The following NELL1 variants were observed in gnomAD, a reference collection of about 807,000 sequenced individuals.
NELL1 encodes protein kinase C-binding protein NELL1.
In NELL1, 76 loss-of-function variants were observed where a neutral mutation model predicts 107.4. The observed-to-expected ratio is 0.71, with a 90% CI of 0.59 to 0.86. NELL1 has a LOEUF of 0.86. Among genes scored for constraint, NELL1 ranks in the 40% least tolerant of loss-of-function variants. The pLI is 0.00. For missense variants in NELL1, 1,024 were observed against 1,005.5 expected (o/e 1.02, Z -0.25); for synonymous variants, 353 against 341.2 (o/e 1.03, Z -0.38).
intron 11 of NELL1, among the ~76,000 whole-genome samples, chr11:20,951,755 C>T (rs1851073146): frequency 6.6e-6 from 1 of 152,090 alleles, no homozygotes; most frequent in South Asian, 2.1e-4. Context: ...TTGTGGGACT[C>T]ATGGTCTCAG....
chr11:21,194,507 C>T (rs960732565), intron 13 of NELL1, among the ~76,000 whole-genome samples: 1 of 152,060 alleles, frequency 6.6e-6, no homozygotes, highest in Non-Finnish European at 1.5e-5. Flanking sequence ...GGCATTGGTT[C>T]ATTTTAAAAA....
intron 14 of NELL1, 119 bp from the exon 15 acceptor site, chr11:21,370,734 C>T: frequency 2.9e-6 from 2 of 678,454 alleles, no homozygotes; most frequent in East Asian, 2.9e-5. Flanking sequence ...TTAAATGTAT[C>T]AATACAGATG....
At chr11:20,843,315 AGCAGGTACTGCAC>A (rs1236338754) in intron 3 of NELL1, among the ~76,000 whole-genome samples, 1 of 152,140 alleles carries the variant, frequency 6.6e-6, no homozygotes, top group Non-Finnish European at 1.5e-5. Flanking sequence ...TTGGAATGTA[AGCAGGTACTGCAC>A]TAACTCTGGA....
At chr11:21,162,244 C>T (rs891297298) in intron 13 of NELL1, among the ~76,000 whole-genome samples, 3 of 151,974 alleles carry the variant, frequency 2.0e-5, no homozygotes, top group South Asian at 2.1e-4. Flanking sequence ...CCACTGCGCC[C>T]GGCCTGGGAA....
intron 12 of NELL1, among the ~76,000 whole-genome samples, chr11:21,078,838 C>T (rs7932820): frequency 0.41 from 62,493 of 151,806 alleles, 13,050 homozygotes; most frequent in African/African-American, 0.44. Flanking sequence ...TACAAGCAAA[C>T]TAATCGTAGT....
intron 12 of NELL1, among the ~76,000 whole-genome samples, chr11:21,002,576 T>C (rs978932367): frequency 7.2e-5 from 11 of 152,208 alleles, no homozygotes; most frequent in African/African-American, 2.4e-4. Context: ...AAAGTCTCCA[T>C]GGGCCTGCAT....
At chr11:20,693,510 G>C (rs998228479) in intron 2 of NELL1, among the ~76,000 whole-genome samples, 1 of 152,062 alleles carries the variant, frequency 6.6e-6, no homozygotes, top group Non-Finnish European at 1.5e-5. Flanking sequence ...GCATTTGCTT[G>C]TCTGTAAAGT....
chr11:21,384,987 A>G (rs2133774087), intron 15 of NELL1, among the ~76,000 whole-genome samples: 1 of 151,966 alleles, frequency 6.6e-6, no homozygotes, highest in Non-Finnish European at 1.5e-5. Flanking sequence ...TATTTTCCTT[A>G]CTGCTTTGTT....
chr11:20,910,037 G>T (rs935674804), intron 5 of NELL1, among the ~76,000 whole-genome samples: 9 of 152,064 alleles, frequency 5.9e-5, no homozygotes, highest in African/African-American at 2.2e-4. Context: ...ATCGGTCTTG[G>T]TTGATCCCCT....
intron 2 of NELL1, among the ~76,000 whole-genome samples, chr11:20,769,074 C>T (rs1856591475): frequency 6.6e-6 from 1 of 151,748 alleles, no homozygotes; most frequent in African/African-American, 2.4e-5. Context: ...ACGACAAAGA[C>T]TAAGAGGAAA....
At chr11:20,744,108 C>T (rs1277703570) in intron 2 of NELL1, among the ~76,000 whole-genome samples, 3 of 152,184 alleles carry the variant, frequency 2.0e-5, no homozygotes, top group African/African-American at 7.2e-5. Context: ...TAGCCACAAT[C>T]TTATTCCAAG....
intron 13 of NELL1, among the ~76,000 whole-genome samples, chr11:21,122,822 A>G (rs1473684902): frequency 6.6e-6 from 1 of 152,202 alleles, no homozygotes; most frequent in Non-Finnish European, 1.5e-5. Flanking sequence ...AAAAAACAGA[A>G]TAACATCAAA....
Position 20,940,703 on chromosome 11 carries a change from A to G in NELL1, c.1071+2844A>G, listed in dbSNP as rs139140261. On this transcript the variant is annotated intron_variant, in intron 10 of 19. Transcript: ENST00000357134. ...AACATCATTCTGCATTCTAAAGGCT[A>G]TAGAGGCCCAGGCCAGATTTATTGT... Among the ~76,000 whole-genome samples, 12 of 152,320 alleles carry G rather than the reference A, an allele frequency of 7.9e-5. No individual in the cohort carries two copies. The East Asian group carries it at 1.9e-3, about 25-fold the overall frequency.
chr11:21,138,105 G>A (rs1366596839), intron 13 of NELL1, among the ~76,000 whole-genome samples: 1 of 152,042 alleles, frequency 6.6e-6, no homozygotes, highest in Non-Finnish European at 1.5e-5. Flanking sequence ...GCTAAATCTG[G>A]GTTTGAGAGC....
chr11:21,303,872 A>G (rs1849550827), intron 14 of NELL1, among the ~76,000 whole-genome samples: 1 of 152,036 alleles, frequency 6.6e-6, no homozygotes, highest in Admixed American at 6.6e-5. Context: ...CTCTGCCTCC[A>G]AGGTGGTGCC....
rs557251912 is a variant in NELL1 at position 21,081,609 on chromosome 11, TGA to T, written c.1301-31976_1301-31975del. On this transcript the variant is annotated intron_variant, in intron 12 of 19. Transcript: ENST00000357134. ...CCCTCCAATTTGAACACTGGAAGCA[TGA>T]GAGTCATTCTTGACTTCATCTAGCA... Among the ~76,000 whole-genome samples the T allele has an allele frequency of 4.6e-5, 7 of 152,328 alleles. No individual in the cohort carries two copies. In the South Asian group the frequency reaches 1.4e-3, roughly 32 times the overall value.
chr11:21,379,021 C>T (rs1294098331), intron 15 of NELL1, among the ~76,000 whole-genome samples: 1 of 151,936 alleles, frequency 6.6e-6, no homozygotes, highest in Non-Finnish European at 1.5e-5. Flanking sequence ...GGAGAATTTG[C>T]ACTGAAATGC....
In NELL1 at chr11:20,714,194, ATTTT is replaced by A. The variant is rs34441596; in HGVS notation, c.184+36157_184+36160del. On this transcript the variant is annotated intron_variant, in intron 2 of 19. Coordinates refer to ENST00000357134, the MANE Select transcript of NELL1 (RefSeq NM_006157.5). The stretch of plus-strand genomic sequence containing the variant: ...CTGTCTCCTATCTGCTATCTCCCCG[ATTTT>A]TTTTTTTTTTTTTTTTTTTTTTGAG... Among the ~76,000 whole-genome samples the A allele has an allele frequency of 6.6e-3, 406 of 61,750 alleles. 1 individual carries two copies. The highest frequency in any genetic ancestry group is 0.024 in the African/African-American group (377 of 15,732). The allele number at this position is 61,750 out of a possible 152,430, so 40.5% of individuals were successfully genotyped here.
chr11:21,160,297 T>C (rs1164507854), intron 13 of NELL1, among the ~76,000 whole-genome samples: 2 of 152,192 alleles, frequency 1.3e-5, no homozygotes, highest in African/African-American at 2.4e-5. Context: ...TTTGAAGACA[T>C]TTTTCTTAGC....
Sources: allele counts gnomAD v4.1 joint callset (sites outside exome capture counted in the v4.1 genomes callset), GRCh38; gene constraint gnomAD v4.1.1; transcripts MANE v1.5; gene names NCBI Gene and HGNC (gene_info 2026-07-23, HGNC 2026-07-21).